The following GKAP1 variants were observed in gnomAD, a reference collection of about 807,000 sequenced individuals.
GKAP1 encodes the protein G kinase anchoring protein 1.
A neutral mutation model predicts 56.7 loss-of-function variants in GKAP1; 31 were observed. That is an observed-to-expected ratio of 0.55 (90% CI 0.41 to 0.74). GKAP1 has a LOEUF of 0.74. Ranked by LOEUF, GKAP1 falls within the 30% of genes least tolerant of loss-of-function variation. The probability of loss-of-function intolerance (pLI) is 0.00; values close to 1 mark genes in which losing one functional copy is unlikely to be tolerated. For missense variants in GKAP1, 364 were observed against 402.3 expected (o/e 0.90, Z 0.82); for synonymous variants, 151 against 138.6 (o/e 1.09, Z -0.63).
At chr9:83,770,375 T>C (rs752005032) in intron 7 of GKAP1, among the ~76,000 whole-genome samples, 1 of 152,236 alleles carries the variant, frequency 6.6e-6, no homozygotes, top group African/African-American at 2.4e-5. Flanking sequence ...TGCATGACAA[T>C]ATCCAGCATC....
At chr9:83,753,453 T>TAAGAG (rs1943426906) in intron 8 of GKAP1, 94 bp from the exon 9 acceptor site, 16 of 820,788 alleles carry the variant, frequency 1.9e-5, no homozygotes, top group Middle Eastern at 2.3e-4. Context: ...GGAAAAATTC[T>TAAGAG]GACCTTAATT....
intron 3 of GKAP1, among the ~76,000 whole-genome samples, chr9:83,801,171 G>A (rs1183064214): frequency 6.6e-6 from 1 of 152,144 alleles, no homozygotes; most frequent in African/African-American, 2.4e-5. Context: ...CAGATACACA[G>A]AGAATGCCAC....
chr9:83,744,850 A>C (rs983018350), intron 10 of GKAP1, among the ~76,000 whole-genome samples: 3 of 152,218 alleles, frequency 2.0e-5, no homozygotes, highest in African/African-American at 4.8e-5. Context: ...ACTGCTTCAC[A>C]AGGTGGCAGG....
chr9:83,800,485 C>T (rs1944314890), intron 3 of GKAP1, among the ~76,000 whole-genome samples: 1 of 151,972 alleles, frequency 6.6e-6, no homozygotes, highest in Non-Finnish European at 1.5e-5. Context: ...AGTCACATGC[C>T]ACCACGCCCA....
chr9:83,781,597 C>T (rs997257790), intron 6 of GKAP1, among the ~76,000 whole-genome samples: 2 of 152,098 alleles, frequency 1.3e-5, no homozygotes, highest in African/African-American at 4.8e-5. Context: ...GATCAAACTA[C>T]CAAATCTTGG....
intron 4 of GKAP1, 91 bp from the exon 5 acceptor site, chr9:83,788,769 A>C: frequency 2.9e-6 from 2 of 684,940 alleles, no homozygotes; most frequent in Non-Finnish European, 4.8e-6. Flanking sequence ...AGAGGAAAAG[A>C]AAGCAAATAT....
intron 5 of GKAP1, among the ~76,000 whole-genome samples, chr9:83,785,270 C>A (rs958344489): frequency 6.6e-6 from 1 of 151,928 alleles, no homozygotes; most frequent in Non-Finnish European, 1.5e-5. Context: ...CTGACTACTG[C>A]TAAGTTTCCT....
intron 4 of GKAP1, 57 bp from the exon 5 acceptor site, chr9:83,788,735 A>G: frequency 1.0e-6 from 1 of 976,540 alleles, no homozygotes; most frequent in East Asian, 2.4e-5. Flanking sequence ...CATGAGCAAA[A>G]TAACCATACA....
At chr9:83,743,322 T>C (rs1036360300) in intron 10 of GKAP1, among the ~76,000 whole-genome samples, 1 of 152,100 alleles carries the variant, frequency 6.6e-6, no homozygotes, top group African/African-American at 2.4e-5. Context: ...AAAACAATTA[T>C]GGTAGCTCAC....
At chr9:83,805,688 C>T (rs996912742) in intron 3 of GKAP1, among the ~76,000 whole-genome samples, 32 of 152,066 alleles carry the variant, frequency 2.1e-4, no homozygotes, top group Middle Eastern at 6.8e-3. Flanking sequence ...TATATGTGTA[C>T]AGAAAACACA....
intron 4 of GKAP1, 84 bp downstream of exon 4, chr9:83,799,101 G>A (rs1944291810): frequency 8.8e-7 from 1 of 1,133,872 alleles, no homozygotes; most frequent in African/African-American, 1.5e-5. Flanking sequence ...TCAGAACAGT[G>A]GTGACGTGAA....
chr9:83,748,419 ATAAT>A (rs757551445), intron 9 of GKAP1, 47 bp from the exon 10 acceptor site: 1 of 1,054,524 alleles, frequency 9.5e-7, no homozygotes. Context: ...AGTAAGTGAT[ATAAT>A]TAATGATTTA....
chr9:83,801,276 A>T (rs139404317), intron 3 of GKAP1, among the ~76,000 whole-genome samples: 1 of 152,158 alleles, frequency 6.6e-6, no homozygotes, highest in Admixed American at 6.5e-5. Flanking sequence ...AGAGGCATGG[A>T]AAGATTCTAC....
intron 3 of GKAP1, among the ~76,000 whole-genome samples, chr9:83,805,032 G>GA (rs982736407): frequency 1.3e-5 from 2 of 152,238 alleles, no homozygotes; most frequent in African/African-American, 4.8e-5. Context: ...AGAAGGGGGG[G>GA]AAAGGTGGGG....
chr9:83,745,660 T>A (rs970542337), intron 10 of GKAP1, among the ~76,000 whole-genome samples: 1 of 152,212 alleles, frequency 6.6e-6, no homozygotes, highest in Admixed American at 6.5e-5. Flanking sequence ...TAGAAATATA[T>A]CTTCTAAATA....
chr9:83,780,903 T>C (rs56960569), intron 6 of GKAP1, among the ~76,000 whole-genome samples: 26,655 of 152,138 alleles, frequency 0.18, 2,901 homozygotes, highest in Non-Finnish European at 0.24. Context: ...GGTGATTTAA[T>C]AGCACTATTA....
chr9:83,797,384 T>C (rs1157727427), intron 4 of GKAP1, among the ~76,000 whole-genome samples: 3 of 152,224 alleles, frequency 2.0e-5, no homozygotes, highest in African/African-American at 7.2e-5. Context: ...CATTGCCTGA[T>C]CCCTGTAAAT....
chr9:83,755,338 A>G (rs1382807394), intron 8 of GKAP1, among the ~76,000 whole-genome samples: 2 of 152,322 alleles, frequency 1.3e-5, no homozygotes, highest in South Asian at 2.1e-4. Flanking sequence ...TAATATTTGC[A>G]TGATTCCAAA....
At chr9:83,756,888 A>G (rs1943486800) in intron 8 of GKAP1, among the ~76,000 whole-genome samples, 1 of 152,238 alleles carries the variant, frequency 6.6e-6, no homozygotes, top group African/African-American at 2.4e-5. Flanking sequence ...TTTTTAAAAC[A>G]AAGTCATATT....
Sources: gnomAD v4.1 joint callset for allele counts (sites outside exome capture counted in the v4.1 genomes callset) on GRCh38, gnomAD v4.1.1 for gene constraint, MANE v1.5 for transcripts, NCBI Gene and HGNC (gene_info 2026-07-23, HGNC 2026-07-21) for gene names.